The following HS2ST1 variants were observed in gnomAD, a reference collection of about 807,000 sequenced individuals.
HS2ST1 encodes heparan sulfate 2-O-sulfotransferase 1.
A neutral mutation model predicts 42.9 loss-of-function variants in HS2ST1; 18 were observed. The observed-to-expected ratio is 0.42, with a 90% CI of 0.29 to 0.62. The LOEUF (loss-of-function observed/expected upper bound fraction) is 0.62, where lower values mean the gene tolerates loss of function less well. Among genes scored for constraint, HS2ST1 ranks in the 20% least tolerant of loss-of-function variants. HS2ST1 has a pLI of 0.21. For missense variants in HS2ST1, 334 were observed against 433.8 expected, an observed-to-expected ratio of 0.77 and a Z score of 2.04; for synonymous variants, 146 against 152.9, an observed-to-expected ratio of 0.95 and a Z score of 0.33.
intron 1 of HS2ST1, among the ~76,000 whole-genome samples, chr1:87,040,249 G>A (rs1304349973): frequency 6.6e-6 from 1 of 152,032 alleles, no homozygotes; most frequent in Non-Finnish European, 1.5e-5. Context: ...AAGAATTGAG[G>A]ACTGAATTTC....
chr1:87,103,670 G>A (rs1652268968), intron 6 of HS2ST1, 81 bp downstream of exon 6: 2 of 1,206,322 alleles, frequency 1.7e-6, no homozygotes, highest in South Asian at 3.7e-5. Flanking sequence ...GTGATTTGAA[G>A]TTTCTTCAGT....
intron 1 of HS2ST1, among the ~76,000 whole-genome samples, chr1:87,016,865 T>G (rs200089571): frequency 0.1 from 1,095 of 10,856 alleles, 13 homozygotes; most frequent in African/African-American, 0.14. Flanking sequence ...GGTTATTGGG[T>G]TTTTTTTTTT....
intron 1 of HS2ST1, among the ~76,000 whole-genome samples, chr1:87,050,750 T>C (rs1650809727): frequency 1.3e-5 from 2 of 152,270 alleles, no homozygotes; most frequent in Admixed American, 1.3e-4. Flanking sequence ...CTTAGATTAC[T>C]CTAGGGTCAG....
chr1:87,002,457 T>C (rs1649316548), intron 1 of HS2ST1, among the ~76,000 whole-genome samples: 1 of 151,810 alleles, frequency 6.6e-6, no homozygotes, highest in African/African-American at 2.4e-5. Context: ...TAGCAGGGCA[T>C]GGTGGTGTAT....
In HS2ST1 at chr1:87,084,229, G is replaced by A. The variant is rs756401956; in HGVS notation, c.399G>A (p.Glu133=). The change falls in exon 3 of 7, where the codon GAG becomes GAA. Residue 133 remains glutamate, a synonymous_variant. Coordinates refer to ENST00000370550, the MANE Select transcript of HS2ST1 (RefSeq NM_012262.4). ...TAAAGAATATAACTTCCTGGAAAGA[G>A]ATGAAACCAGGATTTTATCATGGAC... ...RFVKNITSWK[E]MKPGFYHGHV... The A allele has an allele frequency of 2.2e-5, 36 of 1,604,778 alleles. No individual in the cohort carries two copies. The highest frequency in any genetic ancestry group is 2.9e-5 in the Non-Finnish European group (34 of 1,175,634).
rs1224841313 is a variant in HS2ST1 at position 86,985,477 on chromosome 1, C to CAT, written c.124+70323_124+70324dup. Reference sequence around the variant, plus strand: ...ACACACATATATACACATATATACACATATATACACATATATATACACATA... The same window carrying CAT: ...ACACACATATATACACATATATACACATATATATACACATATATATACACATA... On this transcript the variant is annotated intron_variant, in intron 1 of 6. Transcript: ENST00000370550. 5.2e-5 allele frequency among the ~76,000 whole-genome samples: 6 copies of CAT among 115,174 alleles called. No individual in the cohort carries two copies. The East Asian group carries it at 8.2e-4, about 16-fold the overall frequency. The allele number at this position is 115,174 out of a possible 152,430, so 75.6% of individuals were successfully genotyped here. A position where few individuals can be genotyped will look rare whatever the true frequency, so the allele number is the denominator to read the frequency against.
chr1:86,956,108 A>T (rs1402108641), intron 1 of HS2ST1, among the ~76,000 whole-genome samples: 1 of 152,248 alleles, frequency 6.6e-6, no homozygotes, highest in Admixed American at 6.5e-5. Context: ...ATATATGCAC[A>T]CATGTGTAAT....
At chr1:86,941,198 A>G (rs1411682258) in intron 1 of HS2ST1, among the ~76,000 whole-genome samples, 1 of 152,126 alleles carries the variant, frequency 6.6e-6, no homozygotes, top group Non-Finnish European at 1.5e-5. Flanking sequence ...TGTTTTCTGG[A>G]GACCCTCCTA....
chr1:86,960,080 A>G (rs934625710), intron 1 of HS2ST1, among the ~76,000 whole-genome samples: 1 of 152,176 alleles, frequency 6.6e-6, no homozygotes, highest in Non-Finnish European at 1.5e-5. Context: ...TGAAAGAATA[A>G]ATAGATCATT....
At chr1:87,045,617 G>T (rs919111629) in intron 1 of HS2ST1, 25 of 778,100 alleles carry the variant, frequency 3.2e-5, no homozygotes, top group South Asian at 3.0e-4. Context: ...TTCTGCAGTG[G>T]TCTATTTTTC....
chr1:87,035,252 G>A (rs772344934), intron 1 of HS2ST1, among the ~76,000 whole-genome samples: 11 of 152,074 alleles, frequency 7.2e-5, no homozygotes, highest in South Asian at 2.1e-4. Context: ...TCATTTTGTC[G>A]TCATTTGTTA....
chr1:87,101,719 A>G (rs995366127), intron 5 of HS2ST1, among the ~76,000 whole-genome samples: 2 of 152,126 alleles, frequency 1.3e-5, no homozygotes, highest in African/African-American at 4.8e-5. Context: ...GAGCCCTTCA[A>G]ATTCTTCCAA....
chr1:86,967,399 A>C (rs377194709), intron 1 of HS2ST1, among the ~76,000 whole-genome samples: 1 of 152,082 alleles, frequency 6.6e-6, no homozygotes, highest in African/African-American at 2.4e-5. Context: ...CCTCTCACCA[A>C]AGTAGTGTAC....
At chr1:86,929,078 A>G (rs1306260032) in intron 1 of HS2ST1, among the ~76,000 whole-genome samples, 1 of 151,960 alleles carries the variant, frequency 6.6e-6, no homozygotes, top group Non-Finnish European at 1.5e-5. Flanking sequence ...TTTTATGTGT[A>G]TAGTTTCATT....
chr1:87,004,577 C>T (rs772725191), intron 1 of HS2ST1, among the ~76,000 whole-genome samples: 2 of 152,016 alleles, frequency 1.3e-5, no homozygotes, highest in African/African-American at 2.4e-5. Context: ...GAAATATTTA[C>T]TCTGTATTAG....
intron 1 of HS2ST1, among the ~76,000 whole-genome samples, chr1:87,051,786 CT>C (rs1160003859): frequency 6.6e-6 from 1 of 152,014 alleles, no homozygotes; most frequent in African/African-American, 2.4e-5. Flanking sequence ...AATAATGGTT[CT>C]TTTTTGTTAC....
chr1:87,024,130 T>A lies in HS2ST1; in HGVS notation c.125-48804T>A, dbSNP rs189085091. On this transcript the variant is annotated intron_variant, in intron 1 of 6. Transcript: ENST00000370550. ...GTGTCTTAAAGACTTTTGGTGGTGG[T>A]TATGCAGAGATTGCTATCAGGATTA... 3.3e-3 allele frequency among the ~76,000 whole-genome samples: 495 copies of A among 152,244 alleles called. 6 individuals carry two copies. The highest frequency in any genetic ancestry group is 0.011 in the African/African-American group (461 of 41,542).
chr1:87,001,917 ATT>A (rs796387272), intron 1 of HS2ST1, among the ~76,000 whole-genome samples: 2 of 132,154 alleles, frequency 1.5e-5, no homozygotes, highest in Non-Finnish European at 1.6e-5. Flanking sequence ...TGCCAGGAGT[ATT>A]TTTTTTTTTT....
intron 5 of HS2ST1, among the ~76,000 whole-genome samples, chr1:87,099,750 A>G (rs1489826866): frequency 1.3e-5 from 2 of 152,152 alleles, no homozygotes; most frequent in African/African-American, 2.4e-5. Context: ...CCTTCTACCT[A>G]TGAGCCTGTG....
Sources: allele counts gnomAD v4.1 joint callset (sites outside exome capture counted in the v4.1 genomes callset), GRCh38; gene constraint gnomAD v4.1.1; transcripts MANE v1.5; gene names NCBI Gene and HGNC (gene_info 2026-07-23, HGNC 2026-07-21).